Variants in DIP2C observed in about 807,000 individuals in gnomAD.
The protein encoded by DIP2C is DIP2 acetate--CoA ligase C (putative), also known as disco-interacting protein 2 homolog C.
A neutral mutation model predicts 192.4 loss-of-function variants in DIP2C; 33 were observed. The observed-to-expected ratio is 0.17, with a 90% confidence interval of 0.13 to 0.23. The LOEUF is 0.23. DIP2C is among the 10% of genes least tolerant of loss of function. The pLI, the probability that DIP2C is intolerant of heterozygous loss-of-function variation, is 1.00. For synonymous variants in DIP2C, 979 were observed against 864.1 expected, an observed-to-expected ratio of 1.13 and a Z score of -2.33; for missense variants, 1,537 against 2,110.1, an observed-to-expected ratio of 0.73 and a Z score of 5.32.
At chr10:335,562 G>C (rs1441533243) in intron 29 of DIP2C, among the ~76,000 whole-genome samples, 2 of 152,240 alleles carry the variant, frequency 1.3e-5, no homozygotes, top group Non-Finnish European at 2.9e-5. Flanking sequence ...ACGACACCAG[G>C]CTTTGGGAAG....
chr10:679,553 C>A (rs191095064), intron 1 of DIP2C, among the ~76,000 whole-genome samples: 3 of 38,380 alleles, frequency 7.8e-5, no homozygotes, highest in African/African-American at 1.3e-4. Flanking sequence ...CCGCACCCAT[C>A]CTCCCCGCAC....
chr10:387,676 T>A (rs1307166140), intron 14 of DIP2C, 69 bp downstream of exon 14: 3 of 1,325,656 alleles, frequency 2.3e-6, no homozygotes, highest in African/African-American at 1.5e-5. Flanking sequence ...GGGGGACTCC[T>A]GTGTGGACAG....
intron 1 of DIP2C, among the ~76,000 whole-genome samples, chr10:521,175 CAT>C (rs1425261295): frequency 1.3e-5 from 2 of 152,146 alleles, no homozygotes; most frequent in Admixed American, 6.5e-5. Flanking sequence ...AATCAATATC[CAT>C]ATGTGATTTT....
intron 1 of DIP2C, among the ~76,000 whole-genome samples, chr10:615,013 G>A (rs954198927): frequency 5.9e-5 from 9 of 152,226 alleles, no homozygotes; most frequent in Admixed American, 1.3e-4. Context: ...CAGCCGAAGC[G>A]CTGGTCCCAC....
chr10:371,394 C>G (rs951879803), intron 17 of DIP2C, among the ~76,000 whole-genome samples: 1 of 152,126 alleles, frequency 6.6e-6, no homozygotes, highest in Admixed American at 6.5e-5. Context: ...ATTGTAAAGG[C>G]GGAAATTGAA....
Position 276,019 on chromosome 10 carries a change from G to C in DIP2C, c.*1306C>G, listed in dbSNP as rs977662510. On this transcript the variant is annotated 3_prime_UTR_variant, in exon 37 of 37. Coordinates refer to ENST00000280886, the MANE Select transcript of DIP2C (RefSeq NM_014974.3). ...TCCACTCCACATTGGCCATCAGAGGGGGAATCAATGCAACCCAGTGCGAAT... is the reference window on the plus strand; with the variant it reads ...TCCACTCCACATTGGCCATCAGAGGCGGAATCAATGCAACCCAGTGCGAAT... 6.6e-6 allele frequency: 1 copy of C among 152,210 alleles called. No homozygotes were observed. The highest frequency in any genetic ancestry group is 2.4e-5 in the African/African-American group (1 of 41,428). The allele number at this position is 152,210 out of a possible 1,614,324, so 9.4% of individuals were successfully genotyped here.
At chr10:416,065 G>C (rs1965614449) in intron 6 of DIP2C, among the ~76,000 whole-genome samples, 177 bp from the exon 7 acceptor site, 2 of 151,492 alleles carry the variant, frequency 1.3e-5, no homozygotes, top group Non-Finnish European at 1.5e-5. Flanking sequence ...GGCTAGGCAG[G>C]AGACCGGACA....
Position 356,201 on chromosome 10 carries a change from G to T in DIP2C, c.2985+225C>A, listed in dbSNP as rs182856300. 3.4e-5 allele frequency: 21 copies of T among 608,750 alleles called. No homozygotes were observed. In the African/African-American group the frequency reaches 3.9e-4, roughly 11 times the overall value. 37.7% of individuals were successfully genotyped at this position (608,750 alleles called of 1,614,324 possible). A position where few individuals can be genotyped will look rare whatever the true frequency, so the allele number is the denominator to read the frequency against. On this transcript the variant is annotated intron_variant, in intron 24 of 36. Coordinates refer to ENST00000280886, the MANE Select transcript of DIP2C (RefSeq NM_014974.3). The stretch of plus-strand genomic sequence containing the variant: ...TTTGGGGGAGAAATATTGTAAATAG[G>T]TTGCTAAAATATCTGTACACACAAA...
chr10:415,235 C>T lies in DIP2C; in HGVS notation c.859+534G>A, dbSNP rs79703573. On this transcript the variant is annotated intron_variant, in intron 7 of 36. Transcript: ENST00000280886. ...TCACTTTATGACTGACAAAATCAGT[C>T]GTTTCTACTTGTGGTTTAACACATA... 9.5e-3 allele frequency among the ~76,000 whole-genome samples: 1,448 copies of T among 152,152 alleles called. 19 individuals carry two copies. The highest frequency in any genetic ancestry group is 0.028 in the African/African-American group (1,166 of 41,502).
In DIP2C at chr10:390,729, C is replaced by A. The variant is rs188535111; in HGVS notation, c.1384+11G>T. ...GTGGGCATGCGAGCTCTCGGAGGCT[C>A]GGTGGCTTACCTTTAAACTGTGGGA... On this transcript the variant is annotated intron_variant, in intron 11 of 36. Transcript: ENST00000280886. The A allele has an allele frequency of 3.1e-6, 5 of 1,611,088 alleles. No homozygotes were observed. Among genetic ancestry groups the A allele is most frequent in the Non-Finnish European group, 3.4e-6 (4 of 1,178,852 alleles).
At chr10:601,794 G>A (rs2131702137) in intron 1 of DIP2C, among the ~76,000 whole-genome samples, 1 of 152,326 alleles carries the variant, frequency 6.6e-6, no homozygotes, top group South Asian at 2.1e-4. Flanking sequence ...GAAGCGGCTG[G>A]GGACGCAGGC....
At position 278,189 on chromosome 10, in the gene DIP2C, G is replaced by C. The variant is rs557856103; in HGVS notation, c.4419-612C>G. On this transcript the variant is annotated intron_variant, in intron 36 of 36. Transcript: ENST00000280886. ...TGAGGGCCGTGCGTGTGGACGCCTA[G>C]GGCATGGGTGCCTACTCCTCTCTGT... Among the ~76,000 whole-genome samples, 20 of 152,014 alleles carry C rather than the reference G, an allele frequency of 1.3e-4. No individual in the cohort carries two copies. In the South Asian group the frequency reaches 4.2e-3, roughly 32 times the overall value.
chr10:509,707 A>G (rs1845881060), intron 1 of DIP2C, among the ~76,000 whole-genome samples: 1 of 152,104 alleles, frequency 6.6e-6, no homozygotes, highest in Admixed American at 6.5e-5. Flanking sequence ...GACACAGGAC[A>G]CCTCAGAGAA....
chr10:547,515 A>G (rs979013362), intron 1 of DIP2C, among the ~76,000 whole-genome samples: 2 of 152,158 alleles, frequency 1.3e-5, no homozygotes, highest in South Asian at 2.1e-4. Flanking sequence ...AAGCAGGCAG[A>G]CAGTGAGGTA....
intron 1 of DIP2C, among the ~76,000 whole-genome samples, chr10:497,498 C>T (rs765802567): frequency 4.7e-4 from 71 of 152,190 alleles, no homozygotes; most frequent in Non-Finnish European, 1.8e-4. Context: ...CAGCTCTGGA[C>T]AGGGAGAAGC....
intron 3 of DIP2C, among the ~76,000 whole-genome samples, chr10:447,363 ACTCACCCCTG>A (rs1968331184): frequency 7.4e-6 from 1 of 135,000 alleles, no homozygotes; most frequent in Non-Finnish European, 1.6e-5. Context: ...AGCAGGACCC[ACTCACCCCTG>A]TCGATACTCA....
chr10:687,428 T>C (rs569321907), intron 1 of DIP2C, among the ~76,000 whole-genome samples: 1 of 152,098 alleles, frequency 6.6e-6, no homozygotes, highest in Non-Finnish European at 1.5e-5. Context: ...GGCCGGAGGG[T>C]GCAGAGAGGC....
At chr10:663,652 C>G (rs371638998) in intron 1 of DIP2C, 1 of 152,204 alleles carries the variant, frequency 6.6e-6, no homozygotes, top group Admixed American at 6.5e-5. Flanking sequence ...GGTTGAAATG[C>G]GTGTGCCATG....
chr10:294,133 C>T (rs1028503828), intron 32 of DIP2C, among the ~76,000 whole-genome samples: 1 of 152,158 alleles, frequency 6.6e-6, no homozygotes, highest in African/African-American at 2.4e-5. Context: ...GAAGAGAGCT[C>T]TGTGTTTTCT....
Sources: gnomAD v4.1 joint callset for allele counts (sites outside exome capture counted in the v4.1 genomes callset) on GRCh38, gnomAD v4.1.1 for gene constraint, MANE v1.5 for transcripts, NCBI Gene and HGNC (gene_info 2026-07-23, HGNC 2026-07-21) for gene names.